ZNF385D: variants seen among roughly 807,000 people sequenced by gnomAD.
ZNF385D encodes zinc finger protein 659.
Under a neutral mutation model 35.8 loss-of-function variants are expected in ZNF385D, and 15 were observed. The observed-to-expected ratio is 0.42, with a 90% confidence interval of 0.28 to 0.64. The LOEUF is 0.64. Among genes scored for constraint, ZNF385D ranks in the 30% least tolerant of loss-of-function variants. The pLI, the probability that ZNF385D is intolerant of heterozygous loss-of-function variation, is 0.23. For synonymous variants in ZNF385D, 212 were observed against 186.8 expected, an observed-to-expected ratio of 1.13 and a Z score of -1.10; for missense variants, 474 against 494.6, an observed-to-expected ratio of 0.96 and a Z score of 0.39.
chr3:21,821,788 C>G (rs970694670), intron 3 of ZNF385D, among the ~76,000 whole-genome samples: 15 of 151,772 alleles, frequency 9.9e-5, no homozygotes, highest in Non-Finnish European at 2.1e-4. Flanking sequence ...CAATGAGAAC[C>G]CATCTCTACA....
chr3:22,241,609 A>C (rs1323434415), intron 2 of ZNF385D, among the ~76,000 whole-genome samples: 1 of 151,136 alleles, frequency 6.6e-6, no homozygotes, highest in African/African-American at 2.4e-5. Context: ...GCCCTTAACA[A>C]ATTAATTAGG....
chr3:21,945,677 T>C (rs941966451), intron 3 of ZNF385D, among the ~76,000 whole-genome samples: 10 of 152,232 alleles, frequency 6.6e-5, no homozygotes, highest in African/African-American at 2.4e-4. Context: ...TCTGGCTCAG[T>C]GATCCTCTGC....
At chr3:21,604,234 T>C (rs2064407071) in intron 2 of ZNF385D, among the ~76,000 whole-genome samples, 1 of 152,142 alleles carries the variant, frequency 6.6e-6, no homozygotes, top group African/African-American at 2.4e-5. Flanking sequence ...TGGAGACCTA[T>C]GTTTTTAACA....
chr3:21,457,449 G>A (rs551572878), intron 4 of ZNF385D, among the ~76,000 whole-genome samples: 4 of 151,846 alleles, frequency 2.6e-5, no homozygotes, highest in Middle Eastern at 3.4e-3. Context: ...TCCACCTCCC[G>A]GGTTCAGGTG....
chr3:21,815,824 A>G lies in ZNF385D; in HGVS notation c.326-150796T>C, dbSNP rs149752463. 7.0e-3 allele frequency among the ~76,000 whole-genome samples: 1,071 copies of G among 152,262 alleles called. 5 individuals carry two copies. Among genetic ancestry groups the G allele is most frequent in the Non-Finnish European group, 0.011 (768 of 68,028 alleles). On this transcript the variant is annotated intron_variant, in intron 3 of 5. Coordinates refer to the ZNF385D transcript ENST00000494108. ...AAAAAGAGGAAATCCTCCCTAACTC[A>G]TTTTATGAGGCCAGCATCATTCTGA... is the stretch of plus-strand genomic sequence containing the variant.
At chr3:22,349,001 T>C (rs773349822) in intron 2 of ZNF385D, among the ~76,000 whole-genome samples, 10 of 152,208 alleles carry the variant, frequency 6.6e-5, no homozygotes, top group Non-Finnish European at 1.2e-4. Flanking sequence ...CCAGAGCATA[T>C]GCTAATTGTT....
intron 3 of ZNF385D, among the ~76,000 whole-genome samples, chr3:21,882,495 T>A (rs935354655): frequency 1.3e-5 from 2 of 151,978 alleles, no homozygotes; most frequent in Admixed American, 1.3e-4. Flanking sequence ...ATAACTTTTA[T>A]ATGCACTAGA....
intron 2 of ZNF385D, among the ~76,000 whole-genome samples, chr3:22,172,936 A>T (rs1052301848): frequency 6.6e-6 from 1 of 152,322 alleles, no homozygotes; most frequent in Non-Finnish European, 1.5e-5. Flanking sequence ...TGTGGTACAG[A>T]AAGAGGAGAA....
At chr3:21,818,445 G>A (rs1214865687) in intron 3 of ZNF385D, among the ~76,000 whole-genome samples, 1 of 152,138 alleles carries the variant, frequency 6.6e-6, no homozygotes, top group Non-Finnish European at 1.5e-5. Flanking sequence ...GGGGAAATCT[G>A]AACACTAACT....
chr3:22,282,359 A>G (rs537406416), intron 2 of ZNF385D, among the ~76,000 whole-genome samples: 21 of 152,134 alleles, frequency 1.4e-4, no homozygotes, highest in Non-Finnish European at 2.6e-4. Flanking sequence ...TTTTTGATGT[A>G]AACATTTAAC....
At chr3:21,602,524 T>TTTTTTTTTC (rs2064335414) in intron 2 of ZNF385D, among the ~76,000 whole-genome samples, 1 of 65,872 alleles carries the variant, frequency 1.5e-5, no homozygotes, top group African/African-American at 6.2e-5. Flanking sequence ...TTTCTTTTTT[T>TTTTTTTTTC]TTTTTTTTTT....
In ZNF385D at chr3:21,881,918, A is replaced by G. The variant is rs538762768; in HGVS notation, c.326-216890T>C. On this transcript the variant is annotated intron_variant, in intron 3 of 5. Coordinates refer to the ZNF385D transcript ENST00000494108. ...CATATGTGATGGAAATAGTAAGAGA[A>G]CTAGAATTAGAAGTGGAGCCTAAAG... Among the ~76,000 whole-genome samples, 11 of 152,152 alleles carry G rather than the reference A, an allele frequency of 7.2e-5. No individual in the cohort carries two copies. The South Asian group carries it at 8.3e-4, about 11-fold the overall frequency.
At chr3:21,499,894 C>A (rs1706235407) in intron 4 of ZNF385D, among the ~76,000 whole-genome samples, 2 of 152,210 alleles carry the variant, frequency 1.3e-5, no homozygotes, top group African/African-American at 2.4e-5. Context: ...TGGCATAGAC[C>A]CTACCCATGG....
At chr3:21,635,153 G>A (rs1011318352) in intron 2 of ZNF385D, among the ~76,000 whole-genome samples, 1 of 152,030 alleles carries the variant, frequency 6.6e-6, no homozygotes, top group Non-Finnish European at 1.5e-5. Flanking sequence ...CATTTACTTT[G>A]AATGAGGCAT....
chr3:21,718,595 T>C (rs73046249), intron 1 of ZNF385D, among the ~76,000 whole-genome samples: 7,736 of 152,292 alleles, frequency 0.051, 293 homozygotes, highest in East Asian at 0.14. Flanking sequence ...TGGAACTTCA[T>C]CAAGATTAAG....
chr3:21,827,617 GGGA>G (rs1203249116), intron 3 of ZNF385D, among the ~76,000 whole-genome samples: 3 of 152,120 alleles, frequency 2.0e-5, no homozygotes. Context: ...ATTTCATATA[GGGA>G]GGAGATTAGT....
At chr3:21,719,628 CA>C (rs1252331699) in intron 1 of ZNF385D, among the ~76,000 whole-genome samples, 3 of 152,180 alleles carry the variant, frequency 2.0e-5, no homozygotes, top group Non-Finnish European at 4.4e-5. Context: ...TGCACTTGTG[CA>C]CCCAGAGGAC....
chr3:21,788,349 G>T (rs969245605), intron 3 of ZNF385D, among the ~76,000 whole-genome samples: 4 of 152,078 alleles, frequency 2.6e-5, no homozygotes, highest in Non-Finnish European at 5.9e-5. Context: ...TTGGTGGCAG[G>T]CGCCTGTAAT....
chr3:21,975,457 T>A (rs150776154), intron 3 of ZNF385D, among the ~76,000 whole-genome samples: 3 of 152,092 alleles, frequency 2.0e-5, no homozygotes, highest in East Asian at 3.9e-4. Flanking sequence ...TATGGTTAGA[T>A]AGAATGAATA....
Sources: allele counts gnomAD v4.1 joint callset (sites outside exome capture counted in the v4.1 genomes callset), GRCh38; gene constraint gnomAD v4.1.1; transcripts MANE v1.5; gene names NCBI Gene and HGNC (gene_info 2026-07-23, HGNC 2026-07-21).